Variants in CHRNG observed in about 807,000 individuals in gnomAD.
CHRNG encodes the protein cholinergic receptor nicotinic gamma subunit.
A neutral mutation model predicts 65.2 loss-of-function variants in CHRNG; 72 were observed. The ratio of observed to expected loss-of-function variants is 1.10; its 90% confidence interval spans 0.91 to 1.34. The LOEUF (loss-of-function observed/expected upper bound fraction) is 1.34, where lower values mean the gene tolerates loss of function less well. CHRNG is among the 40% of genes most tolerant of loss of function. CHRNG has a pLI of 0.00. For synonymous variants in CHRNG, 284 were observed against 290.2 expected (o/e 0.98, Z 0.22); for missense variants, 637 against 680.1 (o/e 0.94, Z 0.70).
rs1691978464 is a variant in CHRNG at position 232,539,921 on chromosome 2, T to C, written c.56-71T>C. On this transcript the variant is annotated intron_variant, in intron 1 of 11. Coordinates refer to ENST00000651502, the MANE Select transcript of CHRNG (RefSeq NM_005199.5). ...TGGACCCAGTTCCCTGAGTCCCCAC[T>C]TCACACCCCCAGGGCCTCCCCGCTC... 2.0e-5 allele frequency: 32 copies of C among 1,611,824 alleles called. No homozygotes were observed. The South Asian group carries it at 3.5e-4, about 18-fold the overall frequency.
chr2:232,542,389 C>G, intron 5 of CHRNG, 34 bp from the exon 6 acceptor site: 1 of 1,476,192 alleles, frequency 6.8e-7, no homozygotes, highest in Non-Finnish European at 9.5e-7. Context: ...GGTCCACCCG[C>G]TCACATTTAG....
At position 232,540,061 on chromosome 2, in the gene CHRNG, G is replaced by A. The variant is rs148468628; in HGVS notation, c.125G>A (p.Arg42Gln). The part of the protein sequence containing the change: ...DLMQNYDPNL[R>Q]PAERDSDVVN... ...ATGCAAAACTACGACCCCAACCTGCGGCCCGCGGAACGAGACTCGGATGTG... is the reference window on the plus strand; with the variant it reads ...ATGCAAAACTACGACCCCAACCTGCAGCCCGCGGAACGAGACTCGGATGTG... Residue 42 changes from arginine (R) to glutamine (Q), a missense_variant, in exon 2 of 12, where the codon CGG becomes CAG. By Grantham distance (43) the Arg-to-Gln change is conservative (BLOSUM62 1). Transcript: ENST00000651502. This position sits in a 1 kb window ranked among gnomAD's most constrained non-coding sequence, Gnocchi z 4.2. 2.9e-3 allele frequency: 4,635 copies of A among 1,614,220 alleles called. 11 individuals are homozygous for A. Among genetic ancestry groups the A allele is most frequent in the Non-Finnish European group, 3.5e-3 (4,072 of 1,180,022 alleles).
intron 9 of CHRNG, 73 bp downstream of exon 9, chr2:232,543,772 A>G (rs934289837): frequency 1.1e-6 from 1 of 905,630 alleles, no homozygotes; most frequent in Non-Finnish European, 1.8e-6. Flanking sequence ...ACGCCCCGGC[A>G]GTACTCACCT....
intron 9 of CHRNG, 111 bp from the exon 10 acceptor site, chr2:232,544,256 G>A: frequency 1.2e-6 from 1 of 857,542 alleles, no homozygotes; most frequent in Non-Finnish European, 2.0e-6. Flanking sequence ...CCACGTCACT[G>A]CCCCGGTATG....
In CHRNG at chr2:232,545,601, T is replaced by C. The variant is rs1379046260; in HGVS notation, c.1439T>C (p.Met480Thr). ...RVLDRVCFLA[M>T]LSLFICGTAG... is the part of the protein sequence containing the mutation. ...CTGGACCGCGTCTGCTTCCTGGCCA[T>C]GCTCTCGCTCTTCATCTGTGGCACA... Residue 480 changes from methionine to threonine, a missense_variant, in exon 12 of 12, where the codon ATG becomes ACG. By Grantham distance (81) the Met-to-Thr change is moderately conservative. Transcript: ENST00000651502. 9.9e-6 allele frequency: 16 copies of C among 1,613,954 alleles called. No homozygotes were observed. The highest frequency in any genetic ancestry group is 1.6e-4 in the Middle Eastern group (1 of 6,084).
In CHRNG at chr2:232,543,590, T is replaced by G; in HGVS notation, c.926T>G (p.Leu309Arg). The G allele has an allele frequency of 6.2e-7, 1 of 1,606,514 alleles. No individual in the cohort carries two copies. The highest frequency in any genetic ancestry group is 8.5e-7 in the Non-Finnish European group (1 of 1,173,156). ...SQAVPLISKYLTFLLVVTILI... is the reference protein window; with the variant it reads ...SQAVPLISKYRTFLLVVTILI... ...TGCCCACCCCACCCTGACAGGTACCTGACCTTCCTCCTGGTGGTGACCATC... is the reference window on the plus strand; with the variant it reads ...TGCCCACCCCACCCTGACAGGTACCGGACCTTCCTCCTGGTGGTGACCATC... The change falls in exon 9 of 12, where the codon CTG becomes CGG. Residue 309 changes from leucine to arginine, a missense_variant. By Grantham distance (102) the Leu-to-Arg change is moderately radical. Transcript: ENST00000651502.
rs780067480 is a variant in CHRNG at position 232,541,492 on chromosome 2, T to C, written c.469T>C (p.Phe157Leu). The C allele has an allele frequency of 1.2e-6, 2 of 1,614,148 alleles. No individual in the cohort carries two copies. Among genetic ancestry groups the C allele is most frequent in the Admixed American group, 1.7e-5 (1 of 60,030 alleles). Residue 157 changes from phenylalanine (F) to leucine (L), a missense_variant, in exon 5 of 12, where the codon TTC becomes CTC. Transcript: ENST00000651502. This position sits in a 1 kb window ranked among gnomAD's most constrained non-coding sequence, Gnocchi z 4.0. ...RSACSISVTY[F>L]PFDWQNCSLI... Reference sequence around the variant, plus strand: ...CGCCTGCTCTATCTCAGTCACCTACTTCCCCTTCGACTGGCAGAACTGCTC... The same window carrying C: ...CGCCTGCTCTATCTCAGTCACCTACCTCCCCTTCGACTGGCAGAACTGCTC...
rs912602825 is a variant in CHRNG, at chr2:232,540,282, A to T, written c.196-99A>T. 19 of 1,598,694 alleles carry T rather than the reference A, an allele frequency of 1.2e-5. No individual in the cohort carries two copies. The highest frequency in any genetic ancestry group is 5.0e-5 in the Admixed American group (3 of 59,940). ...CCCCCATGGTTGTGGGGGGAGTACT[A>T]TCAAGAGGCTGGGGGATGCTTGGCC... On this transcript the variant is annotated intron_variant, in intron 2 of 11. Transcript: ENST00000651502. This position sits in a 1 kb window ranked among gnomAD's most constrained non-coding sequence, Gnocchi z 4.2.
In CHRNG at chr2:232,544,488, G is replaced by A; in HGVS notation, c.1157G>A (p.Gly386Glu). ...NGSSGWSITT[G>E]EEVALCLPRS... is the part of the protein sequence containing the mutation. ...TCCTCGGGATGGTCGATCACAACTG[G>A]GGAGGAGGTGGCCCTCTGCCTGCCT... Residue 386 changes from glycine (G) to glutamate (E), a missense_variant, in exon 10 of 12, where the codon GGG (glycine) becomes GAG (glutamate). Physicochemically the swap from Gly to Glu is moderately conservative, Grantham distance 98. Transcript: ENST00000651502. 1.9e-6 allele frequency: 3 copies of A among 1,613,812 alleles called. No homozygotes were observed. Among genetic ancestry groups the A allele is most frequent in the Non-Finnish European group, 2.5e-6 (3 of 1,179,974 alleles).
At position 232,540,816 on chromosome 2, in the gene CHRNG, A is replaced by G; in HGVS notation, c.350+105A>G. On this transcript the variant is annotated intron_variant, in intron 4 of 11. Coordinates refer to ENST00000651502, the MANE Select transcript of CHRNG (RefSeq NM_005199.5). The surrounding 1 kb of genome is among the most constrained non-coding windows in gnomAD (Gnocchi z 4.2). ...AAGAGAAAGATGAGCAGAGGGTGCA[A>G]ATCGGGCACCTGTGGGGCTAGGGAA... The G allele has an allele frequency of 9.3e-7, 1 of 1,072,818 alleles. No individual in the cohort carries two copies. The highest frequency in any genetic ancestry group is 1.4e-6 in the Non-Finnish European group (1 of 725,840). The allele number at this position is 1,072,818 out of a possible 1,614,324, so 66.5% of individuals were successfully genotyped here.
chr2:232,543,701 C>G lies in CHRNG; in HGVS notation c.1035+2C>G, dbSNP rs571741639. 2.5e-6 allele frequency: 4 copies of G among 1,573,044 alleles called. No homozygotes were observed. In the South Asian group the frequency reaches 3.3e-5, roughly 13 times the overall value. On this transcript the variant is annotated splice_donor_variant, in intron 9 of 11. Transcript: ENST00000651502. LOFTEE classifies it high-confidence loss of function. Reference sequence around the variant, plus strand: ...TCCATGGCCCGAGGGGTCCGCAAGGCAAGGACCCTCCCTGCCCACTTCAAC... The same window carrying G: ...TCCATGGCCCGAGGGGTCCGCAAGGGAAGGACCCTCCCTGCCCACTTCAAC...
chr2:232,542,808 TG>T, intron 6 of CHRNG, 73 bp from the exon 7 acceptor site: 3 of 1,355,356 alleles, frequency 2.2e-6, no homozygotes, highest in Middle Eastern at 2.1e-4. Context: ...CCCTTGCAGC[TG>T]GGTCACTCGG....
rs1692151568 is a variant in CHRNG, at chr2:232,547,369, G to A, written c.*1653G>A. ...GGAGGTCTAGGCTGCAGTGAGCTGTGATCATGTGACTGCACTCCAGCCTGA... is the reference window on the plus strand; with the variant it reads ...GGAGGTCTAGGCTGCAGTGAGCTGTAATCATGTGACTGCACTCCAGCCTGA... On this transcript the variant is annotated 3_prime_UTR_variant, in exon 12 of 12. Transcript: ENST00000651502. Among the ~76,000 whole-genome samples, 2 of 152,118 alleles carry A rather than the reference G, an allele frequency of 1.3e-5. No homozygotes were observed. Among genetic ancestry groups the A allele is most frequent in the Admixed American group, 1.3e-4 (2 of 15,274 alleles).
Position 232,540,198 on chromosome 2 carries a change from T to G in CHRNG, c.195+67T>G, listed in dbSNP as rs1691987789. The G allele has an allele frequency of 1.9e-6, 3 of 1,613,154 alleles. No homozygotes were observed. Among genetic ancestry groups the G allele is most frequent in the African/African-American group, 2.7e-5 (2 of 74,824 alleles). Reference sequence around the variant, plus strand: ...GGGACCTGCTGGGGATAGCATGGGGTGGCTCCAGCCACCAAGAGGTTGGAG... The same window carrying G: ...GGGACCTGCTGGGGATAGCATGGGGGGGCTCCAGCCACCAAGAGGTTGGAG... On this transcript the variant is annotated intron_variant, in intron 2 of 11. Coordinates refer to ENST00000651502, the MANE Select transcript of CHRNG (RefSeq NM_005199.5). This position sits in a 1 kb window ranked among gnomAD's most constrained non-coding sequence, Gnocchi z 4.2.
Position 232,541,406 on chromosome 2 carries a change from G to A in CHRNG, c.383G>A (p.Cys128Tyr). 6.2e-7 allele frequency: 1 copy of A among 1,614,116 alleles called. No homozygotes were observed. The highest frequency in any genetic ancestry group is 1.1e-5 in the South Asian group (1 of 91,090). Reference sequence around the variant, plus strand: ...GGTGTCTTCGAGGTGGCCCTCTACTGCAATGTGCTCGTGTCCCCTGACGGC... The same window carrying A: ...GGTGTCTTCGAGGTGGCCCTCTACTACAATGTGCTCGTGTCCCCTGACGGC... ...VDGVFEVALY[C>Y]NVLVSPDGCI... is the part of the protein sequence containing the mutation. The change falls in exon 5 of 12, where the codon TGC becomes TAC. Residue 128 changes from cysteine to tyrosine, a missense_variant. Cys to Tyr is a radical substitution (Grantham distance 194). Coordinates refer to ENST00000651502, the MANE Select transcript of CHRNG (RefSeq NM_005199.5). The surrounding 1 kb of genome is among the most constrained non-coding windows in gnomAD (Gnocchi z 4.0).
rs11690038 is a variant in CHRNG at position 232,545,793 on chromosome 2, T to C, written c.*77T>C. Reference sequence around the variant, plus strand: ...AGTCTTATCAGCCACGTTCTCCTACTGAGGTCCTAAGTGTGCTCTTTGGGA... The same window carrying C: ...AGTCTTATCAGCCACGTTCTCCTACCGAGGTCCTAAGTGTGCTCTTTGGGA... On this transcript the variant is annotated 3_prime_UTR_variant, in exon 12 of 12. Transcript: ENST00000651502. The C allele has an allele frequency of 0.023, 35,399 of 1,512,122 alleles. 764 individuals are homozygous for C. The highest frequency in any genetic ancestry group is 0.11 in the East Asian group (4,699 of 44,394). 93.7% of individuals were successfully genotyped at this position (1,512,122 alleles called of 1,614,324 possible).
chr2:232,543,024 C>G lies in CHRNG; in HGVS notation c.747C>G (p.Ile249Met). The stretch of plus-strand genomic sequence containing the variant: ...CCCTCTTCTACGTCATCAACATCAT[C>G]GCCCCCTGTGTGCTCATCTCCTCTG... ...RKPLFYVINIIAPCVLISSVA... is the reference protein window; with the variant it reads ...RKPLFYVINIMAPCVLISSVA... Residue 249 changes from isoleucine to methionine, a missense_variant, in exon 7 of 12, where the codon ATC (isoleucine) becomes ATG (methionine). Transcript: ENST00000651502. 6.2e-7 allele frequency: 1 copy of G among 1,614,246 alleles called. No homozygotes were observed. The highest frequency in any genetic ancestry group is 8.5e-7 in the Non-Finnish European group (1 of 1,180,036).
rs566103703 is a variant in CHRNG at position 232,543,530 on chromosome 2, G to T, written c.921-55G>T. 161 of 1,311,092 alleles carry T rather than the reference G, an allele frequency of 1.2e-4. 1 individual carries two copies. The African/African-American group carries it at 2.0e-3, about 16-fold the overall frequency. 81.2% of individuals were successfully genotyped at this position (1,311,092 alleles called of 1,614,324 possible). On this transcript the variant is annotated intron_variant, in intron 8 of 11. Transcript: ENST00000651502. ...GCCTGAGGGGGGGCAGCCACTAAGCGTGGGGGTGGCATCATGGTATGGGCT... is the reference window on the plus strand; with the variant it reads ...GCCTGAGGGGGGGCAGCCACTAAGCTTGGGGGTGGCATCATGGTATGGGCT...
At position 232,540,754 on chromosome 2, in the gene CHRNG, C is replaced by A. The variant is rs756772456; in HGVS notation, c.350+43C>A. 1 of 1,541,616 alleles carries A rather than the reference C, an allele frequency of 6.5e-7. No individual in the cohort carries two copies. Among genetic ancestry groups the A allele is most frequent in the East Asian group, 2.3e-5 (1 of 43,814 alleles). ...GCAGGGGTGTGGGGGACAAAGGACACAGGGTCTGGGCCCAGCAGAACAAGG... is the reference window on the plus strand; with the variant it reads ...GCAGGGGTGTGGGGGACAAAGGACAAAGGGTCTGGGCCCAGCAGAACAAGG... On this transcript the variant is annotated intron_variant, in intron 4 of 11. Transcript: ENST00000651502. The surrounding 1 kb of genome is among the most constrained non-coding windows in gnomAD (Gnocchi z 4.2).
Sources: gnomAD v4.1 joint callset for allele counts (sites outside exome capture counted in the v4.1 genomes callset) on GRCh38, gnomAD v4.1.1 for gene constraint, Gnocchi (gnomAD v3.1) non-coding constraint, MANE v1.5 for transcripts, NCBI Gene and HGNC (gene_info 2026-07-23, HGNC 2026-07-21) for gene names.